Variants in SHLD2 observed in about 807,000 individuals in gnomAD.
SHLD2 encodes shieldin complex subunit 2.
SHLD2 carries 30 observed loss-of-function variants against 73.2 expected under a neutral mutation model. The observed-to-expected ratio is 0.41, with a 90% CI of 0.31 to 0.56. The LOEUF (loss-of-function observed/expected upper bound fraction) is 0.56, where lower values mean the gene tolerates loss of function less well. Among genes scored for constraint, SHLD2 ranks in the 20% least tolerant of loss-of-function variants. SHLD2 has a pLI of 0.28. For synonymous variants in SHLD2, 285 were observed against 370.1 expected (o/e 0.77, Z 2.64); for missense variants, 745 against 1,055.9 (o/e 0.71, Z 4.08).
At chr10:87,140,716 T>TG (rs1349993044) in intron 2 of SHLD2, among the ~76,000 whole-genome samples, 3 of 152,158 alleles carry the variant, frequency 2.0e-5, no homozygotes, top group Non-Finnish European at 4.4e-5. Context: ...TGGTGGCTCA[T>TG]GCCTGTAATC....
intron 9 of SHLD2, among the ~76,000 whole-genome samples, chr10:87,188,235 T>G (rs1009490562): frequency 5.9e-5 from 9 of 152,240 alleles, no homozygotes; most frequent in Non-Finnish European, 1.3e-4. Context: ...AGCTGAGCTC[T>G]GTCTTGTGCC....
chr10:87,122,182 A>G (rs1397219100), intron 2 of SHLD2, among the ~76,000 whole-genome samples: 1 of 150,516 alleles, frequency 6.6e-6, no homozygotes, highest in African/African-American at 2.4e-5. Flanking sequence ...TCAAAAAAAA[A>G]AAAAAAAAAA....
Position 87,151,400 on chromosome 10 carries a change from G to A in SHLD2, c.46G>A (p.Ala16Thr). 1 of 1,592,214 alleles carries A rather than the reference G, an allele frequency of 6.3e-7. No individual in the cohort carries two copies. Among genetic ancestry groups the A allele is most frequent in the Non-Finnish European group, 8.5e-7 (1 of 1,172,948 alleles). ...CCACATTTTTTGGGGTGCTCCAATT[G>A]CTCCACTGAAAATCACAGTATCAGA... ...QVHIFWGAPI[A>T]PLKITVSEDT... is the part of the protein sequence containing the mutation. Residue 16 changes from alanine (A) to threonine (T), a missense_variant, in exon 3 of 10, where the codon GCT (alanine) becomes ACT (threonine). Ala to Thr is a moderately conservative substitution (Grantham distance 58). Coordinates refer to ENST00000298786, the MANE Select transcript of SHLD2 (RefSeq NM_001330112.2).
At chr10:87,119,735 G>A (rs9420445) in intron 2 of SHLD2, among the ~76,000 whole-genome samples, 3 of 149,742 alleles carry the variant, frequency 2.0e-5, no homozygotes, top group African/African-American at 4.9e-5. Context: ...CCAAGATCGC[G>A]CCACTGCACT....
At chr10:87,120,034 T>G (rs1017843607) in intron 2 of SHLD2, among the ~76,000 whole-genome samples, 3 of 152,012 alleles carry the variant, frequency 2.0e-5, no homozygotes, top group African/African-American at 7.2e-5. Context: ...ATGAGATTTC[T>G]AATATTCTAT....
At chr10:87,173,611 A>G (rs1445841562) in intron 6 of SHLD2, among the ~76,000 whole-genome samples, 3 of 152,204 alleles carry the variant, frequency 2.0e-5, no homozygotes, top group Non-Finnish European at 2.9e-5. Context: ...ATACAAAAAT[A>G]ATGAAACAAT....
At chr10:87,110,946 C>T (rs567861545) in intron 2 of SHLD2, among the ~76,000 whole-genome samples, 9 of 150,904 alleles carry the variant, frequency 6.0e-5, no homozygotes, top group South Asian at 2.1e-4. Context: ...CGGGTTCAAG[C>T]GATTCTCCTG....
intron 2 of SHLD2, among the ~76,000 whole-genome samples, chr10:87,146,697 C>G (rs1845636255): frequency 6.6e-6 from 1 of 151,778 alleles, no homozygotes. Flanking sequence ...CCAGGGAAGC[C>G]AAAAGATTAG....
In SHLD2 at chr10:87,180,119, A is replaced by G; in HGVS notation, c.2215A>G (p.Ile739Val). ...CCAGATTTCAGAGCTGGCATTTCCT[A>G]TTACAGCATCTCAGAAGATAGCGCT... is the stretch of plus-strand genomic sequence containing the variant. Reference protein sequence around the residue: ...KAQISELAFPITASQKIALNA... With the variant: ...KAQISELAFPVTASQKIALNA... Residue 739 changes from isoleucine to valine, a missense_variant, in exon 8 of 10, where the codon ATT (isoleucine) becomes GTT (valine). Ile to Val is a conservative substitution (Grantham distance 29). Transcript: ENST00000298786. 1.9e-6 allele frequency: 3 copies of G among 1,613,886 alleles called. No homozygotes were observed. Among genetic ancestry groups the G allele is most frequent in the Non-Finnish European group, 2.5e-6 (3 of 1,179,838 alleles).
chr10:87,144,028 A>G (rs1276967668), intron 2 of SHLD2, among the ~76,000 whole-genome samples: 2 of 151,850 alleles, frequency 1.3e-5, no homozygotes, highest in South Asian at 2.1e-4. Context: ...ATGCCTGGCT[A>G]ATTTTTTGTG....
chr10:87,095,252 T>A lies in SHLD2; in HGVS notation c.-62+4T>A, dbSNP rs1414187333. On this transcript the variant is annotated splice_donor_region_variant and intron_variant, in intron 1 of 9. Transcript: ENST00000298786. ...CCGCCTCCGGCGGGGCTCTCAGGTA[T>A]GTGCGCCGCGGGGGTCCCTCAGGGG... The A allele has an allele frequency of 8.0e-6, 1 of 125,142 alleles. No homozygotes were observed. Among genetic ancestry groups the A allele is most frequent in the East Asian group, 2.5e-4 (1 of 3,982 alleles). The allele number at this position is 125,142 out of a possible 1,614,324, so 7.8% of individuals were successfully genotyped here. A position where few individuals can be genotyped will look rare whatever the true frequency, so the allele number is the denominator to read the frequency against.
At chr10:87,112,088 A>G (rs942053270) in intron 2 of SHLD2, among the ~76,000 whole-genome samples, 32 of 151,824 alleles carry the variant, frequency 2.1e-4, no homozygotes, top group Non-Finnish European at 3.7e-4. Context: ...ATAGAAAAAA[A>G]TTAGCTGGGT....
chr10:87,142,042 AAAT>A (rs1320113828), intron 2 of SHLD2, among the ~76,000 whole-genome samples: 3 of 150,098 alleles, frequency 2.0e-5, no homozygotes, highest in Non-Finnish European at 1.5e-5. Context: ...AAAAAAAAAA[AAAT>A]ATATCAAATT....
chr10:87,157,699 C>G (rs1846530586), intron 3 of SHLD2, among the ~76,000 whole-genome samples: 1 of 152,192 alleles, frequency 6.6e-6, no homozygotes, highest in South Asian at 2.1e-4. Context: ...GGCTTTGGAA[C>G]CACTACTTTG....
At chr10:87,163,625 GCAA>G (rs1846978957) in intron 4 of SHLD2, among the ~76,000 whole-genome samples, 1 of 150,152 alleles carries the variant, frequency 6.7e-6, no homozygotes, top group Non-Finnish European at 1.5e-5. Flanking sequence ...GAATGGCTTA[GCAA>G]TAACCTTATG....
intron 2 of SHLD2, among the ~76,000 whole-genome samples, chr10:87,150,015 G>T (rs1263158514): frequency 6.6e-6 from 1 of 151,520 alleles, no homozygotes; most frequent in African/African-American, 2.4e-5. Flanking sequence ...CTCCCAAAGT[G>T]CTGGGATTAC....
chr10:87,120,373 G>A (rs1238602940), intron 2 of SHLD2, among the ~76,000 whole-genome samples: 7 of 151,564 alleles, frequency 4.6e-5, no homozygotes, highest in African/African-American at 7.3e-5. Flanking sequence ...TCAGCCTCCC[G>A]AGTAGCTGGG....
At chr10:87,099,206 A>G (rs1842106307) in intron 2 of SHLD2, among the ~76,000 whole-genome samples, 1 of 152,212 alleles carries the variant, frequency 6.6e-6, no homozygotes, top group African/African-American at 2.4e-5. Context: ...TAGCTGGTTT[A>G]AAATTCCAGG....
At chr10:87,102,579 C>T (rs908746938) in intron 2 of SHLD2, among the ~76,000 whole-genome samples, 4 of 148,266 alleles carry the variant, frequency 2.7e-5, no homozygotes, top group African/African-American at 9.8e-5. Context: ...TGCAGTGGTG[C>T]GTGCCTGTAA....
Sources: gnomAD v4.1 joint callset for allele counts (sites outside exome capture counted in the v4.1 genomes callset) on GRCh38, gnomAD v4.1.1 for gene constraint, MANE v1.5 for transcripts, NCBI Gene and HGNC (gene_info 2026-07-23, HGNC 2026-07-21) for gene names.